SV2B: variants seen among roughly 807,000 people sequenced by gnomAD.
The protein encoded by SV2B is synaptic vesicle glycoprotein 2B.
A neutral mutation model predicts 73.9 loss-of-function variants in SV2B; 41 were observed. The ratio of observed to expected loss-of-function variants is 0.56; its 90% CI spans 0.43 to 0.72. The LOEUF is 0.72. Ranked by LOEUF, SV2B falls within the 30% of genes least tolerant of loss-of-function variation. The probability of loss-of-function intolerance (pLI) is 0.00; values close to 1 mark genes in which losing one functional copy is unlikely to be tolerated. For missense variants in SV2B, 764 were observed against 857.8 expected (o/e 0.89, Z 1.37); for synonymous variants, 314 against 314.2 (o/e 1.00, Z 0.01).
intron 1 of SV2B, among the ~76,000 whole-genome samples, chr15:91,180,646 T>C (rs950643689): frequency 1.3e-5 from 2 of 152,248 alleles, no homozygotes; most frequent in African/African-American, 4.8e-5. Context: ...ATTCATTTCA[T>C]CTTCCGTCAC....
intron 1 of SV2B, among the ~76,000 whole-genome samples, chr15:91,107,450 C>T (rs1344282575): frequency 6.6e-6 from 1 of 151,334 alleles, no homozygotes; most frequent in Admixed American, 6.6e-5. Flanking sequence ...GTAGCTGGGA[C>T]TACAGGCACG....
chr15:91,106,145 A>G lies in SV2B; in HGVS notation c.-392+5782A>G, dbSNP rs1274749147. On this transcript the variant is annotated intron_variant, in intron 1 of 12. Transcript: ENST00000394232. The surrounding 1 kb of genome is among the most constrained non-coding windows in gnomAD (Gnocchi z 4.4). ...GTTAGATACTTAGAGTATGAGAAAAAGATGACATAATGAATTTTGACCTAA... is the reference window on the plus strand; with the variant it reads ...GTTAGATACTTAGAGTATGAGAAAAGGATGACATAATGAATTTTGACCTAA... 6.6e-6 allele frequency among the ~76,000 whole-genome samples: 1 copy of G among 152,234 alleles called. No individual in the cohort carries two copies. Among genetic ancestry groups the G allele is most frequent in the Non-Finnish European group, 1.5e-5 (1 of 68,048 alleles).
At chr15:91,125,298 G>A (rs1023654265) in intron 1 of SV2B, among the ~76,000 whole-genome samples, 2 of 152,202 alleles carry the variant, frequency 1.3e-5, no homozygotes, top group Admixed American at 6.5e-5. Flanking sequence ...TCAGTGCCTA[G>A]CAGTGCATGA....
chr15:91,107,947 C>T (rs1185971240), intron 1 of SV2B, among the ~76,000 whole-genome samples: 4 of 152,060 alleles, frequency 2.6e-5, no homozygotes, highest in Non-Finnish European at 5.9e-5. Context: ...AACTTGAGCA[C>T]ATTATTTAAT....
intron 1 of SV2B, among the ~76,000 whole-genome samples, chr15:91,193,534 G>A (rs1423125274): frequency 2.6e-5 from 4 of 152,142 alleles, no homozygotes; most frequent in African/African-American, 7.2e-5. Context: ...AGACCTAATC[G>A]AGAGGCAGAT....
In SV2B at chr15:91,295,867, A is replaced by T. The variant is rs1383130672; in HGVS notation, c.*3315A>T. ...ACACAGTGATGAAAAAACTGGCCAC[A>T]GTTTCTGCTTCCTGCCTCATTCCAC... is the stretch of plus-strand genomic sequence containing the variant. On this transcript the variant is annotated 3_prime_UTR_variant, in exon 13 of 13. Coordinates refer to ENST00000394232, the MANE Select transcript of SV2B (RefSeq NM_001323032.3). The T allele has an allele frequency of 6.6e-6, 1 of 152,204 alleles. No individual in the cohort carries two copies. Among genetic ancestry groups the T allele is most frequent in the Non-Finnish European group, 1.5e-5 (1 of 68,030 alleles). 9.4% of individuals were successfully genotyped at this position (152,204 alleles called of 1,614,324 possible).
rs1207768608 is a variant in SV2B, at chr15:91,224,899, G to T, written c.-391-974G>T. On this transcript the variant is annotated intron_variant, in intron 1 of 12. Coordinates refer to ENST00000394232, the MANE Select transcript of SV2B (RefSeq NM_001323032.3). The surrounding 1 kb of genome is among the most constrained non-coding windows in gnomAD (Gnocchi z 4.9). ...CACTGGGCAAAGGAGTCAACAGAGGGACTCTGATTGGAATTGGGATATAGG... is the reference window on the plus strand; with the variant it reads ...CACTGGGCAAAGGAGTCAACAGAGGTACTCTGATTGGAATTGGGATATAGG... Among the ~76,000 whole-genome samples, 3 of 152,108 alleles carry T rather than the reference G, an allele frequency of 2.0e-5. No homozygotes were observed. Among genetic ancestry groups the T allele is most frequent in the African/African-American group, 7.2e-5 (3 of 41,418 alleles).
At position 91,261,131 on chromosome 15, in the gene SV2B, C is replaced by T. The variant is rs973446535; in HGVS notation, c.1008+722C>T. Among the ~76,000 whole-genome samples, 4 of 152,180 alleles carry T rather than the reference C, an allele frequency of 2.6e-5. No individual in the cohort carries two copies. Among genetic ancestry groups the T allele is most frequent in the African/African-American group, 9.6e-5 (4 of 41,536 alleles). On this transcript the variant is annotated intron_variant, in intron 6 of 12. Coordinates refer to ENST00000394232, the MANE Select transcript of SV2B (RefSeq NM_001323032.3). This position sits in a 1 kb window ranked among gnomAD's most constrained non-coding sequence, Gnocchi z 4.7. ...CAAAAAAATCAGCTGGGCATGGTGG[C>T]GGGTACCTAAAATCCCAGCTACTCA...
rs893438232 is a variant in SV2B, at chr15:91,253,053, G to C, written c.784+533G>C. On this transcript the variant is annotated intron_variant, in intron 4 of 12. Coordinates refer to ENST00000394232, the MANE Select transcript of SV2B (RefSeq NM_001323032.3). The surrounding 1 kb of genome is among the most constrained non-coding windows in gnomAD (Gnocchi z 5.0). ...CTTGTTTGGCCGTGACAGTGCAGGA[G>C]CCCTTATAGACAAGGTCATGGTTTC... Among the ~76,000 whole-genome samples the C allele has an allele frequency of 3.9e-5, 6 of 152,134 alleles. No individual in the cohort carries two copies. The highest frequency in any genetic ancestry group is 2.9e-5 in the Non-Finnish European group (2 of 68,024).
chr15:91,268,698 A>T lies in SV2B; in HGVS notation c.1373+93A>T, dbSNP rs982341385. 1.4e-5 allele frequency: 21 copies of T among 1,477,936 alleles called. No individual in the cohort carries two copies. In the African/African-American group the frequency reaches 2.7e-4, roughly 19 times the overall value. 91.6% of individuals were successfully genotyped at this position (1,477,936 alleles called of 1,614,324 possible). A position where few individuals can be genotyped will look rare whatever the true frequency, so the allele number is the denominator to read the frequency against. On this transcript the variant is annotated intron_variant, in intron 9 of 12. Transcript: ENST00000394232. This position sits in a 1 kb window ranked among gnomAD's most constrained non-coding sequence, Gnocchi z 4.4. ...GCCGGAGGGAAGATAAGAATCAAAT[A>T]TGGCCGGGAATGAGCGCCAAGGCTG...
intron 1 of SV2B, among the ~76,000 whole-genome samples, chr15:91,152,784 C>T (rs188507537): frequency 1.1e-4 from 17 of 152,312 alleles, no homozygotes; most frequent in Non-Finnish European, 2.4e-4. Flanking sequence ...TTTCATCCCA[C>T]AGCACCAACT....
At chr15:91,174,061 C>T (rs1273813067) in intron 1 of SV2B, among the ~76,000 whole-genome samples, 1 of 152,204 alleles carries the variant, frequency 6.6e-6, no homozygotes, top group African/African-American at 2.4e-5. Context: ...CAACTGATTG[C>T]ATGGGCCTTC....
intron 1 of SV2B, among the ~76,000 whole-genome samples, chr15:91,222,950 T>C (rs1431915398): frequency 6.6e-6 from 1 of 152,238 alleles, no homozygotes; most frequent in Non-Finnish European, 1.5e-5. Flanking sequence ...ATTCGTTTCC[T>C]GGGCCTGTCA....
At position 91,106,593 on chromosome 15, in the gene SV2B, G is replaced by A. The variant is rs1013524633; in HGVS notation, c.-392+6230G>A. Among the ~76,000 whole-genome samples the A allele has an allele frequency of 2.6e-5, 4 of 152,132 alleles. No individual in the cohort carries two copies. Among genetic ancestry groups the A allele is most frequent in the East Asian group, 1.9e-4 (1 of 5,200 alleles). Reference sequence around the variant, plus strand: ...GGCTTTAAATGTGAAGGCTCCAATCGCTTATATCATACGGAAAGCAACGTG... The same window carrying A: ...GGCTTTAAATGTGAAGGCTCCAATCACTTATATCATACGGAAAGCAACGTG... On this transcript the variant is annotated intron_variant, in intron 1 of 12. Coordinates refer to ENST00000394232, the MANE Select transcript of SV2B (RefSeq NM_001323032.3). This position sits in a 1 kb window ranked among gnomAD's most constrained non-coding sequence, Gnocchi z 4.4.
At chr15:91,182,407 A>G (rs2044614724) in intron 1 of SV2B, among the ~76,000 whole-genome samples, 1 of 152,238 alleles carries the variant, frequency 6.6e-6, no homozygotes, top group East Asian at 1.9e-4. Context: ...ATAACTAAAG[A>G]AAAGGTAGCT....
At position 91,260,370 on chromosome 15, in the gene SV2B, C is replaced by T; in HGVS notation, c.969C>T (p.Thr323=). The part of the protein sequence containing the change: ...AWMILKQVHD[T]NMRAKGTPEK... ...TGATTCTCAAGCAAGTCCATGACAC[C>T]AACATGAGAGCTAAGGGGACCCCAG... The change falls in exon 6 of 13, where the codon ACC becomes ACT. Residue 323 remains threonine, a synonymous_variant. Transcript: ENST00000394232. 1 of 1,613,160 alleles carries T rather than the reference C, an allele frequency of 6.2e-7. No homozygotes were observed. Among genetic ancestry groups the T allele is most frequent in the African/African-American group, 1.3e-5 (1 of 74,976 alleles).
At chr15:91,159,403 A>G (rs1374597159) in intron 1 of SV2B, among the ~76,000 whole-genome samples, 1 of 152,240 alleles carries the variant, frequency 6.6e-6, no homozygotes, top group Non-Finnish European at 1.5e-5. Flanking sequence ...TTCACACAGT[A>G]GCTTAGCATT....
Position 91,290,958 on chromosome 15 carries a change from G to A in SV2B, c.1868+1278G>A, listed in dbSNP as rs1470490726. Among the ~76,000 whole-genome samples, 2 of 151,874 alleles carry A rather than the reference G, an allele frequency of 1.3e-5. No homozygotes were observed. The highest frequency in any genetic ancestry group is 3.9e-4 in the East Asian group (2 of 5,192). On this transcript the variant is annotated intron_variant, in intron 12 of 12. Coordinates refer to ENST00000394232, the MANE Select transcript of SV2B (RefSeq NM_001323032.3). The surrounding 1 kb of genome is among the most constrained non-coding windows in gnomAD (Gnocchi z 4.7). Reference sequence around the variant, plus strand: ...AGCCCCGGGGTTTCAGGGTTACAGTGAGCTAGGATCACAACACTGCACACC... The same window carrying A: ...AGCCCCGGGGTTTCAGGGTTACAGTAAGCTAGGATCACAACACTGCACACC...
Position 91,252,355 on chromosome 15 carries a change from T to C in SV2B, c.633-14T>C. On this transcript the variant is annotated splice_polypyrimidine_tract_variant and intron_variant, in intron 3 of 12. Transcript: ENST00000394232. This position sits in a 1 kb window ranked among gnomAD's most constrained non-coding sequence, Gnocchi z 4.6. ...ATGACTTGATTCTTTCTCTCTGGCA[T>C]TTTTCCTTTGCAGTATTGGGGGTGC... 6.3e-7 allele frequency: 1 copy of C among 1,596,722 alleles called. No homozygotes were observed. Among genetic ancestry groups the C allele is most frequent in the African/African-American group, 1.4e-5 (1 of 74,046 alleles).
Sources: allele counts gnomAD v4.1 joint callset (sites outside exome capture counted in the v4.1 genomes callset), GRCh38; gene constraint gnomAD v4.1.1; non-coding constraint Gnocchi (gnomAD v3.1); transcripts MANE v1.5; gene names NCBI Gene and HGNC (gene_info 2026-07-23, HGNC 2026-07-21).